The following GTF3C4 variants were observed in gnomAD, a reference collection of about 807,000 sequenced individuals.
GTF3C4 encodes the protein general transcription factor 3C polypeptide 4.
GTF3C4 carries 28 observed loss-of-function variants against 67.5 expected under a neutral mutation model. The observed-to-expected ratio is 0.41, with a 90% CI of 0.31 to 0.57. The LOEUF (loss-of-function observed/expected upper bound fraction) is 0.57, where lower values mean the gene tolerates loss of function less well. Among genes scored for constraint, GTF3C4 ranks in the 20% least tolerant of loss-of-function variants. The probability of loss-of-function intolerance (pLI) is 0.21; values close to 1 mark genes in which losing one functional copy is unlikely to be tolerated. For synonymous variants in GTF3C4, 409 were observed against 393.0 expected, an observed-to-expected ratio of 1.04 and a Z score of -0.48; for missense variants, 831 against 1,033.2, an observed-to-expected ratio of 0.80 and a Z score of 2.68.
intron 3 of GTF3C4, among the ~76,000 whole-genome samples, chr9:132,686,269 A>G (rs955645003): frequency 6.6e-6 from 1 of 152,178 alleles, no homozygotes; most frequent in African/African-American, 2.4e-5. Flanking sequence ...TTCTTTCAGG[A>G]AAACTGTTTT....
intron 2 of GTF3C4, among the ~76,000 whole-genome samples, chr9:132,682,618 T>TA (rs1554776758): frequency 6.8e-6 from 1 of 147,832 alleles, no homozygotes; most frequent in African/African-American, 2.5e-5. Flanking sequence ...TTTTTTTTTT[T>TA]ACTGAGATGG....
chr9:132,683,942 C>T (rs1453190698), intron 3 of GTF3C4, among the ~76,000 whole-genome samples: 2 of 152,106 alleles, frequency 1.3e-5, no homozygotes, highest in African/African-American at 4.8e-5. Flanking sequence ...GTTCATTTTC[C>T]TAATTGAACA....
chr9:132,689,315 C>G lies in GTF3C4; in HGVS notation c.*370C>G, dbSNP rs1215064389. On this transcript the variant is annotated 3_prime_UTR_variant, in exon 5 of 5. Transcript: ENST00000372146. ...TCTTCTAGAGAGCTTGGATAAGGAC[C>G]TTGCTGGGTTGAGTTAGGTTTTAAT... is the stretch of plus-strand genomic sequence containing the variant. 5.2e-6 allele frequency: 1 copy of G among 191,354 alleles called. No individual in the cohort carries two copies. The highest frequency in any genetic ancestry group is 1.1e-5 in the Non-Finnish European group (1 of 90,444). 11.9% of individuals were successfully genotyped at this position (191,354 alleles called of 1,614,324 possible).
At chr9:132,673,288 G>C (rs1835815522) in intron 1 of GTF3C4, among the ~76,000 whole-genome samples, 1 of 152,170 alleles carries the variant, frequency 6.6e-6, no homozygotes, top group African/African-American at 2.4e-5. Context: ...AATTTTGACT[G>C]TCATTTTGCC....
Position 132,691,268 on chromosome 9 carries a change from C to G in GTF3C4, c.*2323C>G, listed in dbSNP as rs1836111844. On this transcript the variant is annotated 3_prime_UTR_variant, in exon 5 of 5. Transcript: ENST00000372146. The stretch of plus-strand genomic sequence containing the variant: ...TCACAAATAGTGCTTCTGAATTTCT[C>G]TGAGGGTCAGCATACCTCATGGGAG... The G allele has an allele frequency of 6.6e-6, 1 of 152,206 alleles. No homozygotes were observed. Among genetic ancestry groups the G allele is most frequent in the Non-Finnish European group, 1.5e-5 (1 of 68,058 alleles). The allele number at this position is 152,206 out of a possible 1,614,324, so 9.4% of individuals were successfully genotyped here. A position where few individuals can be genotyped will look rare whatever the true frequency, so the allele number is the denominator to read the frequency against.
intron 3 of GTF3C4, among the ~76,000 whole-genome samples, 171 bp downstream of exon 3, chr9:132,683,864 C>T (rs1835985037): frequency 6.6e-6 from 1 of 152,214 alleles, no homozygotes; most frequent in Non-Finnish European, 1.5e-5. Context: ...ATCAGTGTCA[C>T]TCAAGCAAGT....
Position 132,678,147 on chromosome 9 carries a change from T to C in GTF3C4, c.528T>C (p.Ala176=), listed in dbSNP as rs1835889759. 6.2e-7 allele frequency: 1 copy of C among 1,614,158 alleles called. No homozygotes were observed. The highest frequency in any genetic ancestry group is 2.2e-5 in the East Asian group (1 of 44,892). Reference sequence around the variant, plus strand: ...GCTGGTCTCCCATGGGTTGCGATGCTAATGGCAGGTGCCTCTTGGCAGCAC... The same window carrying C: ...GCTGGTCTCCCATGGGTTGCGATGCCAATGGCAGGTGCCTCTTGGCAGCAC... The part of the protein sequence containing the change: ...YTSWSPMGCD[A]NGRCLLAALT... Residue 176 remains alanine, a synonymous_variant, in exon 2 of 5, where the codon GCT becomes GCC. Transcript: ENST00000372146. This position sits in a 1 kb window ranked among gnomAD's most constrained non-coding sequence, Gnocchi z 6.5.
chr9:132,670,532 C>CGGT lies in GTF3C4; in HGVS notation c.-66_-64dup. On this transcript the variant is annotated 5_prime_UTR_variant, in exon 1 of 5. Coordinates refer to ENST00000372146, the MANE Select transcript of GTF3C4 (RefSeq NM_012204.4). ...CGGAGGGCGCTGGGGGTGGCGGCGG[C>CGGT]GGTCCGGGAGGTGGTCGCGCGACTG... The CGGT allele has an allele frequency of 8.2e-7, 1 of 1,213,602 alleles. No individual in the cohort carries two copies. The highest frequency in any genetic ancestry group is 2.9e-4 in the Middle Eastern group (1 of 3,444). 75.2% of individuals were successfully genotyped at this position (1,213,602 alleles called of 1,614,324 possible). A position where few individuals can be genotyped will look rare whatever the true frequency, so the allele number is the denominator to read the frequency against.
Position 132,670,728 on chromosome 9 carries a change from A to G in GTF3C4, c.130A>G (p.Ser44Gly). 2 of 1,536,554 alleles carry G rather than the reference A, an allele frequency of 1.3e-6. No individual in the cohort carries two copies. Among genetic ancestry groups the G allele is most frequent in the East Asian group, 4.9e-5 (2 of 40,488 alleles). The change falls in exon 1 of 5, where the codon AGC becomes GGC. Residue 44 changes from serine (S) to glycine (G), a missense_variant. Coordinates refer to ENST00000372146, the MANE Select transcript of GTF3C4 (RefSeq NM_012204.4). ...AGCAGCGGACGCGGCCCCGGGGCCC[A>G]GCGCTGCATTCCGCCTCATGGTGAC... ...EPAADAAPGP[S>G]AAFRLMVTRR...
In GTF3C4 at chr9:132,689,073, T is replaced by C. The variant is rs1198534641; in HGVS notation, c.*128T>C. On this transcript the variant is annotated 3_prime_UTR_variant, in exon 5 of 5. Transcript: ENST00000372146. Reference sequence around the variant, plus strand: ...AGTGGAGAGAAGTCCTTGGTGATTGTAAAGAGGGCCCCTGGAGCTCATTTC... The same window carrying C: ...AGTGGAGAGAAGTCCTTGGTGATTGCAAAGAGGGCCCCTGGAGCTCATTTC... 3 of 694,150 alleles carry C rather than the reference T, an allele frequency of 4.3e-6. No homozygotes were observed. The African/African-American group carries it at 5.3e-5, about 12-fold the overall frequency. 43.0% of individuals were successfully genotyped at this position (694,150 alleles called of 1,614,324 possible).
rs1835719059 is a variant in GTF3C4 at position 132,670,819 on chromosome 9, A to G, written c.221A>G (p.Glu74Gly). 1.2e-6 allele frequency: 2 copies of G among 1,606,916 alleles called. No individual in the cohort carries two copies. Among genetic ancestry groups the G allele is most frequent in the Non-Finnish European group, 1.7e-6 (2 of 1,178,870 alleles). Reference protein sequence around the residue: ...VSGLEPLAWSEDHRVSVSTAR... With the variant: ...VSGLEPLAWSGDHRVSVSTAR... Reference sequence around the variant, plus strand: ...GGCCTGGAACCGCTGGCTTGGTCCGAGGACCACCGCGTGTCTGTGTCCACG... The same window carrying G: ...GGCCTGGAACCGCTGGCTTGGTCCGGGGACCACCGCGTGTCTGTGTCCACG... The change falls in exon 1 of 5, where the codon GAG becomes GGG. Residue 74 changes from glutamate to glycine, a missense_variant. By Grantham distance (98) the Glu-to-Gly change is moderately conservative (BLOSUM62 -2). Transcript: ENST00000372146.
At chr9:132,687,993 A>G (rs1006176491) in intron 4 of GTF3C4, among the ~76,000 whole-genome samples, 6 of 152,244 alleles carry the variant, frequency 3.9e-5, no homozygotes, top group African/African-American at 1.4e-4. Context: ...AGCTGAAACA[A>G]ACAGCATTCT....
chr9:132,683,015 A>AT (rs1176285285), intron 2 of GTF3C4, among the ~76,000 whole-genome samples: 3 of 152,288 alleles, frequency 2.0e-5, no homozygotes, highest in South Asian at 4.1e-4. Context: ...GGGTCTTGCC[A>AT]TGCCTCTGCA....
intron 1 of GTF3C4, among the ~76,000 whole-genome samples, chr9:132,672,029 T>A (rs1176224690): frequency 6.6e-6 from 1 of 152,196 alleles, no homozygotes. Context: ...TTAATTCAAG[T>A]TTCAAACATC....
rs1835898765 is a variant in GTF3C4, at chr9:132,678,694, C to G, written c.1075C>G (p.Pro359Ala). 3 of 1,613,986 alleles carry G rather than the reference C, an allele frequency of 1.9e-6. No individual in the cohort carries two copies. The highest frequency in any genetic ancestry group is 1.3e-5 in the African/African-American group (1 of 74,906). Residue 359 changes from proline to alanine, a missense_variant, in exon 2 of 5, where the codon CCT becomes GCT. Physicochemically the swap from Pro to Ala is conservative, Grantham distance 27. Around this residue, in one of 4 missense-constraint regions of GTF3C4, gnomAD observed 390 missense variants for 540.3 expected, o/e 0.72. Coordinates refer to ENST00000372146, the MANE Select transcript of GTF3C4 (RefSeq NM_012204.4). The surrounding 1 kb of genome is among the most constrained non-coding windows in gnomAD (Gnocchi z 6.5). Reference sequence around the variant, plus strand: ...CAAAGGCTATTTCACTTTAAGGCAGCCTGTTATCTTGTGGAAAGAAATGGA... The same window carrying G: ...CAAAGGCTATTTCACTTTAAGGCAGGCTGTTATCTTGTGGAAAGAAATGGA... ...AVKGYFTLRQ[P>A]VILWKEMDQL... is the part of the protein sequence containing the mutation.
At chr9:132,677,951 A>G (rs1388784861) in intron 1 of GTF3C4, 26 bp from the exon 2 acceptor site, 2 of 1,554,784 alleles carry the variant, frequency 1.3e-6, no homozygotes, top group African/African-American at 2.7e-5. Context: ...TGCTCATCTG[A>G]TAGTTTTTAT....
intron 2 of GTF3C4, among the ~76,000 whole-genome samples, chr9:132,681,679 G>A (rs1835947801): frequency 6.6e-6 from 1 of 152,074 alleles, no homozygotes; most frequent in South Asian, 2.1e-4. Flanking sequence ...GTAAAAGTAA[G>A]AACTTTTTGT....
chr9:132,679,792 A>G lies in GTF3C4; in HGVS notation c.2173A>G (p.Arg725Gly), dbSNP rs1564356176. The G allele has an allele frequency of 1.3e-6, 2 of 1,595,130 alleles. No homozygotes were observed. The highest frequency in any genetic ancestry group is 1.7e-6 in the Non-Finnish European group (2 of 1,166,306). The part of the protein sequence containing the change: ...FLMSDEEYDD[R>G]TARVLIGHIS... ...AATGTCTGATGAAGAGTATGATGACAGAACTGCACGGGTAGGTGTTTATTA... is the reference window on the plus strand; with the variant it reads ...AATGTCTGATGAAGAGTATGATGACGGAACTGCACGGGTAGGTGTTTATTA... The change falls in exon 2 of 5, where the codon AGA becomes GGA. Residue 725 changes from arginine to glycine, a missense_variant. Arg to Gly is a moderately radical substitution (Grantham distance 125, BLOSUM62 -2). Transcript: ENST00000372146. This position sits in a 1 kb window ranked among gnomAD's most constrained non-coding sequence, Gnocchi z 5.9.
rs2130904690 is a variant in GTF3C4, at chr9:132,690,465, G to GTACT, written c.*1523_*1526dup. On this transcript the variant is annotated 3_prime_UTR_variant, in exon 5 of 5. Coordinates refer to ENST00000372146, the MANE Select transcript of GTF3C4 (RefSeq NM_012204.4). ...CAAAAAAAAAAGAAAAAAAATGTTGGTACTTAGATGATACCATGACGGCAA... is the reference window on the plus strand; with the variant it reads ...CAAAAAAAAAAGAAAAAAAATGTTGGTACTTACTTAGATGATACCATGACGGCAA... 1 of 152,080 alleles carries GTACT rather than the reference G, an allele frequency of 6.6e-6. No individual in the cohort carries two copies. The highest frequency in any genetic ancestry group is 2.4e-5 in the African/African-American group (1 of 41,486). The allele number at this position is 152,080 out of a possible 1,614,324, so 9.4% of individuals were successfully genotyped here. A position where few individuals can be genotyped will look rare whatever the true frequency, so the allele number is the denominator to read the frequency against.
Sources: allele counts gnomAD v4.1 joint callset (sites outside exome capture counted in the v4.1 genomes callset), GRCh38; gene constraint gnomAD v4.1.1; regional missense constraint gnomAD v4.1.1; non-coding constraint Gnocchi (gnomAD v3.1); transcripts MANE v1.5; gene names NCBI Gene and HGNC (gene_info 2026-07-23, HGNC 2026-07-21).